The following NBEAL1 variants were observed in gnomAD, a reference collection of about 807,000 sequenced individuals.
The protein encoded by NBEAL1 is neurobeachin-like protein 1.
In NBEAL1, 273 loss-of-function variants were observed where a neutral mutation model predicts 351.3. That is an observed-to-expected ratio of 0.78 (90% confidence interval 0.70 to 0.86). The LOEUF (loss-of-function observed/expected upper bound fraction) is 0.86, where lower values mean the gene tolerates loss of function less well. NBEAL1 is among the 40% of genes least tolerant of loss of function. The pLI is 0.00. For synonymous variants in NBEAL1, 1,050 were observed against 1,086.4 expected, an observed-to-expected ratio of 0.97 and a Z score of 0.66; for missense variants, 2,961 against 3,201.3, an observed-to-expected ratio of 0.92 and a Z score of 1.81.
At chr2:203,076,528 G>GAA in intron 7 of NBEAL1, among the ~76,000 whole-genome samples, 1 of 144,494 alleles carries the variant, frequency 6.9e-6, no homozygotes, top group Admixed American at 6.9e-5. Context: ...GTAATGTCCA[G>GAA]AATGTATTAA....
intron 10 of NBEAL1, among the ~76,000 whole-genome samples, chr2:203,095,212 G>A (rs537442352): frequency 6.6e-6 from 1 of 152,314 alleles, no homozygotes; most frequent in African/African-American, 2.4e-5. Flanking sequence ...CTTTACAGCT[G>A]CTAAAATCTT....
intron 2 of NBEAL1, among the ~76,000 whole-genome samples, chr2:203,017,192 C>T (rs2060695536): frequency 6.6e-6 from 1 of 152,130 alleles, no homozygotes; most frequent in Non-Finnish European, 1.5e-5. Context: ...TGAGGAGGTA[C>T]ATTATTACTT....
chr2:203,174,896 A>AATAAATAAAAAT (rs1246191804), intron 41 of NBEAL1, among the ~76,000 whole-genome samples: 2 of 135,234 alleles, frequency 1.5e-5, no homozygotes, highest in East Asian at 4.8e-4. Flanking sequence ...TAAATAAATA[A>AATAAATAAAAAT]AAATAAAAAT....
intron 11 of NBEAL1, among the ~76,000 whole-genome samples, chr2:203,098,405 T>A (rs1203679567): frequency 6.6e-6 from 1 of 152,200 alleles, no homozygotes; most frequent in Non-Finnish European, 1.5e-5. Flanking sequence ...ATTTACAGAA[T>A]ATTGTTTTAG....
In NBEAL1 at chr2:203,144,830, T is replaced by A. The variant is rs369960108; in HGVS notation, c.5079T>A (p.Asn1693Lys). ...ACCTACCTTCTTTACCTTTTACCAA[T>A]GGTAGCTCCTCATTTTTTGAAGATT... ...NLHLPSLPFT[N>K]GSSSFFEDFQ... is the part of the protein sequence containing the mutation. Residue 1693 changes from asparagine to lysine, a missense_variant, in exon 32 of 56, where the codon AAT (asparagine) becomes AAA (lysine). Transcript: ENST00000683969. 3.8e-5 allele frequency: 61 copies of A among 1,612,096 alleles called. 1 individual carries two copies. The highest frequency in any genetic ancestry group is 2.9e-4 in the African/African-American group (22 of 74,934).
At chr2:203,047,701 TAGTG>T (rs1329611644) in intron 3 of NBEAL1, among the ~76,000 whole-genome samples, 1 of 151,868 alleles carries the variant, frequency 6.6e-6, no homozygotes, top group East Asian at 1.9e-4. Context: ...CACTCTATAA[TAGTG>T]AGAGAAGTTG....
Position 203,222,045 on chromosome 2 carries a change from T to C in NBEAL1, c.*4691T>C, listed in dbSNP as rs1398426985. 6.6e-6 allele frequency among the ~76,000 whole-genome samples: 1 copy of C among 152,058 alleles called. No individual in the cohort carries two copies. Among genetic ancestry groups the C allele is most frequent in the African/African-American group, 2.4e-5 (1 of 41,410 alleles). On this transcript the variant is annotated 3_prime_UTR_variant, in exon 56 of 56. Transcript: ENST00000683969. The stretch of plus-strand genomic sequence containing the variant: ...TCTACAAGACATTAAAAAATTAGCC[T>C]TGTGTGCTGGCAAGCGCCTGTAGTC...
chr2:203,158,596 G>C (rs1312460551), intron 36 of NBEAL1, among the ~76,000 whole-genome samples: 3 of 152,082 alleles, frequency 2.0e-5, no homozygotes, highest in African/African-American at 7.2e-5. Context: ...TATAAGTTCA[G>C]TAATACAGTT....
At chr2:203,215,288 C>G (rs2065878121) in intron 55 of NBEAL1, among the ~76,000 whole-genome samples, 2 of 152,024 alleles carry the variant, frequency 1.3e-5, no homozygotes, top group South Asian at 4.2e-4. Flanking sequence ...ATCACGAGGT[C>G]AAGAGATCAA....
intron 10 of NBEAL1, among the ~76,000 whole-genome samples, chr2:203,095,210 C>A (rs2062156842): frequency 6.6e-6 from 1 of 152,214 alleles, no homozygotes; most frequent in Non-Finnish European, 1.5e-5. Flanking sequence ...GTCTTTACAG[C>A]TGCTAAAATC....
At chr2:203,148,966 C>A in intron 33 of NBEAL1, 25 bp from the exon 34 acceptor site, 1 of 1,585,762 alleles carries the variant, frequency 6.3e-7, no homozygotes, top group Non-Finnish European at 8.6e-7. Context: ...GAGTCAATGA[C>A]CTTACTTTTT....
chr2:203,166,913 A>C (rs1211428024), intron 37 of NBEAL1, among the ~76,000 whole-genome samples: 2 of 152,096 alleles, frequency 1.3e-5, no homozygotes, highest in Non-Finnish European at 2.9e-5. Context: ...TAGGCTTCTC[A>C]TGTCATCCTT....
intron 46 of NBEAL1, 58 bp downstream of exon 46, chr2:203,190,447 A>G (rs909140551): frequency 2.5e-6 from 3 of 1,180,996 alleles, no homozygotes; most frequent in African/African-American, 3.1e-5. Context: ...ATTTAAGTAC[A>G]TAACAAAATA....
At chr2:203,117,052 A>T (rs1217172551) in intron 18 of NBEAL1, among the ~76,000 whole-genome samples, 1 of 152,122 alleles carries the variant, frequency 6.6e-6, no homozygotes, top group African/African-American at 2.4e-5. Flanking sequence ...CAGTCAGCTG[A>T]GATCGTGCCA....
At chr2:203,040,426 G>A (rs1418090281) in intron 2 of NBEAL1, 14 of 720,136 alleles carry the variant, frequency 1.9e-5, no homozygotes, top group Middle Eastern at 6.7e-4. Flanking sequence ...GGAGAGAACC[G>A]TTGTAAGACT....
At chr2:203,096,523 GC>G (rs1487063242) in intron 10 of NBEAL1, among the ~76,000 whole-genome samples, 3 of 152,076 alleles carry the variant, frequency 2.0e-5, no homozygotes, top group African/African-American at 7.2e-5. Context: ...CAAGTTGAAG[GC>G]CTTTTGGGAT....
intron 37 of NBEAL1, among the ~76,000 whole-genome samples, chr2:203,166,503 C>G (rs2064135981): frequency 1.3e-5 from 2 of 152,056 alleles, no homozygotes; most frequent in Non-Finnish European, 2.9e-5. Context: ...AAGGGTTTGG[C>G]TAGAGGGAAT....
chr2:203,145,859 G>A (rs1212449137), intron 33 of NBEAL1, among the ~76,000 whole-genome samples: 1 of 149,404 alleles, frequency 6.7e-6, no homozygotes, highest in African/African-American at 2.5e-5. Context: ...ATCCTTATAA[G>A]CAAAAGTAAG....
At chr2:203,088,369 G>A (rs1299998570) in intron 10 of NBEAL1, among the ~76,000 whole-genome samples, 2 of 152,066 alleles carry the variant, frequency 1.3e-5, no homozygotes, top group African/African-American at 2.4e-5. Context: ...ATTAGGAAAT[G>A]GGAAAGGAAG....
Sources: allele counts gnomAD v4.1 joint callset (sites outside exome capture counted in the v4.1 genomes callset), GRCh38; gene constraint gnomAD v4.1.1; transcripts MANE v1.5; gene names NCBI Gene and HGNC (gene_info 2026-07-23, HGNC 2026-07-21).